The following TEK variants were observed in gnomAD, a reference collection of about 807,000 sequenced individuals.
TEK encodes TEK receptor tyrosine kinase.
In TEK, 43 loss-of-function variants were observed where a neutral mutation model predicts 131.8. The ratio of observed to expected loss-of-function variants is 0.33; its 90% CI spans 0.26 to 0.42. TEK has a LOEUF of 0.42. Among genes scored for constraint, TEK ranks in the 10% least tolerant of loss-of-function variants. The pLI is 1.00. For missense variants in TEK, 1,162 were observed against 1,384.4 expected (o/e 0.84, Z 2.55); for synonymous variants, 580 against 491.6 (o/e 1.18, Z -2.38).
At chr9:27,123,562 T>C (rs1041652551) in intron 1 of TEK, among the ~76,000 whole-genome samples, 1 of 152,244 alleles carries the variant, frequency 6.6e-6, no homozygotes, top group Non-Finnish European at 1.5e-5. Flanking sequence ...AAAGATTATC[T>C]AGCCCAGTGT....
intron 21 of TEK, among the ~76,000 whole-genome samples, chr9:27,223,890 G>C (rs1215225786): frequency 6.6e-6 from 1 of 151,952 alleles, no homozygotes; most frequent in Non-Finnish European, 1.5e-5. Flanking sequence ...AGAAGAGAGA[G>C]AACAATCAAA....
At chr9:27,156,145 G>T (rs759771426) in intron 1 of TEK, among the ~76,000 whole-genome samples, 1 of 152,038 alleles carries the variant, frequency 6.6e-6, no homozygotes, top group Non-Finnish European at 1.5e-5. Context: ...ATTGGAAGCC[G>T]AGCAAATGGA....
intron 12 of TEK, among the ~76,000 whole-genome samples, chr9:27,202,612 G>C (rs1308569193): frequency 6.6e-6 from 1 of 152,204 alleles, no homozygotes; most frequent in Non-Finnish European, 1.5e-5. Flanking sequence ...CAAGATGACA[G>C]ATAGATGATA....
At chr9:27,213,675 C>G (rs967259278) in intron 18 of TEK, 78 bp downstream of exon 18, 1 of 1,080,922 alleles carries the variant, frequency 9.3e-7, no homozygotes, top group Admixed American at 1.7e-5. Flanking sequence ...CTGAGACTGT[C>G]AGTGCTCTGT....
intron 6 of TEK, among the ~76,000 whole-genome samples, chr9:27,173,893 A>G (rs1824063995): frequency 2.0e-5 from 3 of 150,968 alleles, no homozygotes; most frequent in South Asian, 4.2e-4. Context: ...TTGCACCACT[A>G]CACTCCAGCC....
chr9:27,195,523 T>C, intron 11 of TEK: 1 of 376,138 alleles, frequency 2.7e-6, no homozygotes, highest in Non-Finnish European at 5.2e-6. Flanking sequence ...TAAGAACAAA[T>C]TTTTTTGCCC....
intron 2 of TEK, among the ~76,000 whole-genome samples, chr9:27,162,243 G>A (rs1587536665): frequency 6.6e-6 from 1 of 152,284 alleles, no homozygotes; most frequent in South Asian, 2.1e-4. Context: ...GACACAGCAG[G>A]ATAAAATAAA....
intron 2 of TEK, among the ~76,000 whole-genome samples, chr9:27,166,833 A>G (rs1052800526): frequency 5.9e-5 from 9 of 152,196 alleles, no homozygotes; most frequent in Admixed American, 2.6e-4. Flanking sequence ...GTCTTTTAAC[A>G]TACATTTGGC....
At chr9:27,140,601 T>C (rs6475967) in intron 1 of TEK, among the ~76,000 whole-genome samples, 6,698 of 152,104 alleles carry the variant, frequency 0.044, 482 homozygotes, top group African/African-American at 0.15. Context: ...TGGCTATATA[T>C]GTAATTATAA....
At chr9:27,154,028 A>G (rs1823231067) in intron 1 of TEK, among the ~76,000 whole-genome samples, 1 of 152,204 alleles carries the variant, frequency 6.6e-6, no homozygotes, top group East Asian at 1.9e-4. Context: ...AGAAAAATGC[A>G]TTATTTGGAT....
chr9:27,144,035 G>A (rs1822824563), intron 1 of TEK, among the ~76,000 whole-genome samples: 1 of 152,222 alleles, frequency 6.6e-6, no homozygotes, highest in Non-Finnish European at 1.5e-5. Context: ...TGTAATCCCA[G>A]CACTTTGGGA....
intron 1 of TEK, among the ~76,000 whole-genome samples, chr9:27,154,479 TAC>T (rs1823251213): frequency 6.6e-6 from 1 of 152,202 alleles, no homozygotes; most frequent in Admixed American, 6.5e-5. Flanking sequence ...CAAAAGCCAG[TAC>T]ACACAAGCAT....
intron 8 of TEK, among the ~76,000 whole-genome samples, 197 bp from the exon 9 acceptor site, chr9:27,185,288 G>A (rs933019530): frequency 6.6e-6 from 1 of 151,990 alleles, no homozygotes; most frequent in African/African-American, 2.4e-5. Flanking sequence ...GATCTGACAG[G>A]GCATCAATCC....
At chr9:27,168,313 C>T (rs532820325) in intron 2 of TEK, among the ~76,000 whole-genome samples, 182 bp from the exon 3 acceptor site, 21 of 152,244 alleles carry the variant, frequency 1.4e-4, no homozygotes, top group Non-Finnish European at 8.8e-5. Flanking sequence ...TCATCAGATT[C>T]TTAGAAAGGT....
chr9:27,222,200 T>A (rs1221733082), intron 21 of TEK, among the ~76,000 whole-genome samples: 1 of 151,996 alleles, frequency 6.6e-6, no homozygotes, highest in Admixed American at 6.6e-5. Flanking sequence ...TGAAAAGGAA[T>A]GAACAAAGCC....
rs372395194 is a variant in TEK at position 27,192,565 on chromosome 9, T to C, written c.1566T>C (p.Arg522=). ...EYELCVQLVR[R]GEGGEGHPGP... ...AACTCTGTGTGCAACTGGTCCGTCG[T>C]GGAGAGGGTGGGGAAGGGCATCCTG... The change falls in exon 11 of 23, where the codon CGT becomes CGC. Residue 522 remains arginine, a synonymous_variant. Transcript: ENST00000380036. The C allele has an allele frequency of 1.2e-6, 2 of 1,613,550 alleles. No homozygotes were observed. The highest frequency in any genetic ancestry group is 1.7e-6 in the Non-Finnish European group (2 of 1,179,782).
intron 2 of TEK, among the ~76,000 whole-genome samples, chr9:27,165,399 A>G (rs373617547): frequency 4.6e-5 from 7 of 152,246 alleles, no homozygotes; most frequent in Non-Finnish European, 7.4e-5. Context: ...GGAGGTCTAA[A>G]TGAAGCACTT....
At position 27,212,875 on chromosome 9, in the gene TEK, T is replaced by C; in HGVS notation, c.2855T>C (p.Met952Thr). Reference protein sequence around the residue: ...LHFAADVARGMDYLSQKQFIH... With the variant: ...LHFAADVARGTDYLSQKQFIH... ...TTCGCTGCCGACGTGGCCCGGGGCA[T>C]GGACTACTTGAGCCAAAAACAGGTT... is the stretch of plus-strand genomic sequence containing the variant. The change falls in exon 17 of 23, where the codon ATG becomes ACG. Residue 952 changes from methionine (M) to threonine (T), a missense_variant. Physicochemically the swap from Met to Thr is moderately conservative, Grantham distance 81 (BLOSUM62 -1). Around this residue, in one of 6 missense-constraint regions of TEK, gnomAD observed 107 missense variants for 173.9 expected, o/e 0.62. Coordinates refer to ENST00000380036, the MANE Select transcript of TEK (RefSeq NM_000459.5). 2 of 1,614,122 alleles carry C rather than the reference T, an allele frequency of 1.2e-6. No individual in the cohort carries two copies. Among genetic ancestry groups the C allele is most frequent in the Non-Finnish European group, 1.7e-6 (2 of 1,180,030 alleles).
At chr9:27,205,991 G>C (rs984331428) in intron 14 of TEK, among the ~76,000 whole-genome samples, 1 of 152,180 alleles carries the variant, frequency 6.6e-6, no homozygotes. Flanking sequence ...CAAAATACCG[G>C]TGCTTTTTCA....
Sources: allele counts gnomAD v4.1 joint callset (sites outside exome capture counted in the v4.1 genomes callset), GRCh38; gene constraint gnomAD v4.1.1; regional missense constraint gnomAD v4.1.1; transcripts MANE v1.5; gene names NCBI Gene and HGNC (gene_info 2026-07-23, HGNC 2026-07-21).